FSCB: variants seen among roughly 807,000 people sequenced by gnomAD.
FSCB encodes fibrous sheath CABYR binding protein, also known as fibrous sheath CABYR-binding protein.
For synonymous variants in FSCB, 331 were observed against 336.6 expected (o/e 0.98, Z 0.18); for missense variants, 975 against 934.8 (o/e 1.04, Z -0.56).
Position 44,506,552 on chromosome 14 carries a change from G to T in FSCB, c.436C>A (p.Pro146Thr). The T allele has an allele frequency of 6.2e-7, 1 of 1,614,098 alleles. No individual in the cohort carries two copies. Residue 146 changes from proline (P) to threonine (T), a missense_variant, in exon 1 of 1, where the codon CCC (proline) becomes ACC (threonine). Transcript: ENST00000340446. ...TCCTTGTCCACTTTTTCTACAGGGG[G>T]GATGTTCATCATGGTCCAGTATCCT... is the stretch of plus-strand genomic sequence containing the variant. Reference protein sequence around the residue: ...RTGYWTMMNIPPVEKVDKEQQ... With the variant: ...RTGYWTMMNITPVEKVDKEQQ...
In FSCB at chr14:44,504,378, C is replaced by T. The variant is rs1881008457; in HGVS notation, c.*132G>A. ...ACAGTTTTTATTGTTCATTTTCCAACCTGTATTCCAAGTCTTGGGGTCCCC... is the reference window on the plus strand; with the variant it reads ...ACAGTTTTTATTGTTCATTTTCCAATCTGTATTCCAAGTCTTGGGGTCCCC... On this transcript the variant is annotated 3_prime_UTR_variant, in exon 1 of 1. Transcript: ENST00000340446. 5.3e-6 allele frequency: 3 copies of T among 562,014 alleles called. No individual in the cohort carries two copies. The allele number at this position is 562,014 out of a possible 1,614,324, so 34.8% of individuals were successfully genotyped here.
At chr14:44,506,525 G>A in the FSCB span, 2 of 1,614,082 alleles carry the variant, frequency 1.2e-6, no homozygotes, top group African/African-American at 2.7e-5. Context: ...TATGTCTGTT[G>A]TTCCTTGTCC....
Position 44,505,859 on chromosome 14 carries a change from AAGG to A in FSCB, c.1126_1128del (p.Pro376del). ...CGAATTTCACCAAGAAGCTCTACTGAAGGAGACTTTTCAGCTGGTGGAGGCAGA... is the reference window on the plus strand; with the variant it reads ...CGAATTTCACCAAGAAGCTCTACTGAAGACTTTTCAGCTGGTGGAGGCAGA... On this transcript the variant is annotated inframe_deletion, in exon 1 of 1. Transcript: ENST00000340446. 1 of 1,613,914 alleles carries A rather than the reference AAGG, an allele frequency of 6.2e-7. No homozygotes were observed. The highest frequency in any genetic ancestry group is 8.5e-7 in the Non-Finnish European group (1 of 1,179,950).
rs548710567 is a variant in FSCB, at chr14:44,506,796, A to G, written c.192T>C (p.His64=). The G allele has an allele frequency of 1.8e-5, 29 of 1,613,902 alleles. No individual in the cohort carries two copies. The South Asian group carries it at 2.6e-4, about 15-fold the overall frequency. The change falls in exon 1 of 1, where the codon CAT becomes CAC. Residue 64 remains histidine (H), a synonymous_variant. Coordinates refer to ENST00000340446, the MANE Select transcript of FSCB (RefSeq NM_032135.4). ...GAGACTTACTAGTCATTTCCTGTCC[A>G]TGCTTTCTCTTTGTCCAAGTTTGCT... ...ELQQTWTKRK[H]GQEMTSKSLQ...
At position 44,507,034 on chromosome 14, in the gene FSCB, G is replaced by A; in HGVS notation, c.-47C>T. On this transcript the variant is annotated 5_prime_UTR_variant, in exon 1 of 1. It introduces an in-frame stop codon into an upstream open reading frame of the 5' UTR. Transcript: ENST00000340446. ...CTTTCGAATTTCTTGCCTACACGCT[G>A]AGATAGGCTGATTAGAGTCATCACT... The A allele has an allele frequency of 7.5e-7, 1 of 1,339,542 alleles. No homozygotes were observed. Among genetic ancestry groups the A allele is most frequent in the Non-Finnish European group, 1.0e-6 (1 of 970,476 alleles). The allele number at this position is 1,339,542 out of a possible 1,614,324, so 83.0% of individuals were successfully genotyped here.
Position 44,506,599 on chromosome 14 carries a change from C to T in FSCB, c.389G>A (p.Arg130Lys). ...NIPSVQLKMD[R>K]SQQTSRTGYW... ...TCCTGTACGGCTGGTCTGCTGAGAT[C>T]TGTCCATTTTTAGTTGAACTGAAGG... Residue 130 changes from arginine to lysine, a missense_variant, in exon 1 of 1, where the codon AGA becomes AAA. Transcript: ENST00000340446. The T allele has an allele frequency of 6.2e-7, 1 of 1,614,174 alleles. No individual in the cohort carries two copies. The highest frequency in any genetic ancestry group is 8.5e-7 in the Non-Finnish European group (1 of 1,180,032).
At position 44,504,318 on chromosome 14, in the gene FSCB, T is replaced by G; in HGVS notation, c.*192A>C. 1 of 436,002 alleles carries G rather than the reference T, an allele frequency of 2.3e-6. No individual in the cohort carries two copies. Among genetic ancestry groups the G allele is most frequent in the Non-Finnish European group, 4.1e-6 (1 of 245,782 alleles). The allele number at this position is 436,002 out of a possible 1,614,324, so 27.0% of individuals were successfully genotyped here. A position where few individuals can be genotyped will look rare whatever the true frequency, so the allele number is the denominator to read the frequency against. On this transcript the variant is annotated 3_prime_UTR_variant, in exon 1 of 1. Coordinates refer to ENST00000340446, the MANE Select transcript of FSCB (RefSeq NM_032135.4). ...AATAGGTATTTTTCATGCCATAAAT[T>G]TGAATGAAATTAACACAAGTAATTT...
chr14:44,505,912 G>A lies in FSCB; in HGVS notation c.1076C>T (p.Pro359Leu), dbSNP rs17857204. ...EILPPSAEES[P>L]SEEPPAEILP... ...AATTTCAGCAGGAGGCTCTTCTGAA[G>A]GGGACTCTTCAGCTGATGGAGGCAG... Residue 359 changes from proline to leucine, a missense_variant, in exon 1 of 1, where the codon CCT becomes CTT. Coordinates refer to ENST00000340446, the MANE Select transcript of FSCB (RefSeq NM_032135.4). 1.9e-6 allele frequency: 3 copies of A among 1,613,800 alleles called. No homozygotes were observed. Among genetic ancestry groups the A allele is most frequent in the Non-Finnish European group, 2.5e-6 (3 of 1,179,716 alleles).
chr14:44,504,659 C>A lies in FSCB; in HGVS notation c.2329G>T (p.Val777Phe), dbSNP rs1881017867. Reference sequence around the variant, plus strand: ...TCAAATTTTGCTTCACCTTCCAAAACAACCGATCCTAATTTTACTGCTGGA... The same window carrying A: ...TCAAATTTTGCTTCACCTTCCAAAAAAACCGATCCTAATTTTACTGCTGGA... ...GIPAVKLGSV[V>F]LEGEAKFEEV... The change falls in exon 1 of 1, where the codon GTT becomes TTT. Residue 777 changes from valine (V) to phenylalanine (F), a missense_variant. Val to Phe is a conservative substitution (Grantham distance 50, BLOSUM62 -1). Transcript: ENST00000340446. 2.5e-6 allele frequency: 4 copies of A among 1,614,170 alleles called. No individual in the cohort carries two copies. The highest frequency in any genetic ancestry group is 1.1e-5 in the South Asian group (1 of 91,076).
chr14:44,505,266 A>C lies in FSCB; in HGVS notation c.1722T>G (p.Leu574=). Residue 574 remains leucine (L), a synonymous_variant, in exon 1 of 1, where the codon CTT becomes CTG. Coordinates refer to ENST00000340446, the MANE Select transcript of FSCB (RefSeq NM_032135.4). Reference sequence around the variant, plus strand: ...CTTCACCTGATGGAGGCTGAAGCTCAAGAGGGGCCTCTTCTATAGAAACTC... The same window carrying C: ...CTTCACCTGATGGAGGCTGAAGCTCCAGAGGGGCCTCTTCTATAGAAACTC... ...AKGVSIEEAP[L]ELQPPSGEET... The C allele has an allele frequency of 6.2e-7, 1 of 1,612,914 alleles. No homozygotes were observed. Among genetic ancestry groups the C allele is most frequent in the South Asian group, 1.1e-5 (1 of 91,014 alleles).
rs765495778 is a variant in FSCB, at chr14:44,505,364, C to T, written c.1624G>A (p.Ala542Thr). 6.2e-6 allele frequency: 10 copies of T among 1,612,682 alleles called. No individual in the cohort carries two copies. Among genetic ancestry groups the T allele is most frequent in the Non-Finnish European group, 8.5e-6 (10 of 1,179,972 alleles). ...EAPADETPAE[A>T]QSPLSEETSA... ...GTCTCCTCAGATAGTGGAGACTGAG[C>T]TTCAGCAGGAGTTTCATCTGCAGGA... The change falls in exon 1 of 1, where the codon GCT (alanine) becomes ACT (threonine). Residue 542 changes from alanine (A) to threonine (T), a missense_variant. Coordinates refer to ENST00000340446, the MANE Select transcript of FSCB (RefSeq NM_032135.4).
At position 44,504,711 on chromosome 14, in the gene FSCB, T is replaced by G; in HGVS notation, c.2277A>C (p.Glu759Asp). 6.2e-7 allele frequency: 1 copy of G among 1,614,174 alleles called. No individual in the cohort carries two copies. The highest frequency in any genetic ancestry group is 2.2e-5 in the East Asian group (1 of 44,888). Reference sequence around the variant, plus strand: ...TTCCTGCCACCTGCGGTGACTGAAATTCTGTAGACACATTCTCTACCAGAG... The same window carrying G: ...TTCCTGCCACCTGCGGTGACTGAAAGTCTGTAGACACATTCTCTACCAGAG... ...DEALVENVST[E>D]FQSPQVAGIP... The change falls in exon 1 of 1, where the codon GAA (glutamate) becomes GAC (aspartate). Residue 759 changes from glutamate (E) to aspartate (D), a missense_variant. Physicochemically the swap from Glu to Asp is conservative, Grantham distance 45. Transcript: ENST00000340446.
In FSCB at chr14:44,506,390, G is replaced by T. The variant is rs778382650; in HGVS notation, c.598C>A (p.Pro200Thr). ...IFASEHPEFQ[P>T]ATNSNEEIGQ... ...ATTTCTTCATTGCTGTTTGTTGCTG[G>T]TTGAAATTCAGGGTGTTCACTAGCA... is the stretch of plus-strand genomic sequence containing the variant. The change falls in exon 1 of 1, where the codon CCA becomes ACA. Residue 200 changes from proline to threonine, a missense_variant. Coordinates refer to ENST00000340446, the MANE Select transcript of FSCB (RefSeq NM_032135.4). 3 of 1,614,012 alleles carry T rather than the reference G, an allele frequency of 1.9e-6. No homozygotes were observed. The highest frequency in any genetic ancestry group is 1.3e-5 in the African/African-American group (1 of 74,920).
rs28454870 is a variant in FSCB, at chr14:44,504,950, C to T, written c.2038G>A (p.Ala680Thr). 3 of 1,608,426 alleles carry T rather than the reference C, an allele frequency of 1.9e-6. No individual in the cohort carries two copies. In the African/African-American group the frequency reaches 4.2e-5, roughly 23 times the overall value. Residue 680 changes from alanine to threonine, a missense_variant, in exon 1 of 1, where the codon GCT becomes ACT. By Grantham distance (58) the Ala-to-Thr change is moderately conservative. Transcript: ENST00000340446. Reference sequence around the variant, plus strand: ...TCAGCTGGTAGAGACTGAACTTCAGCAGGGGCCTCCTCAGCTGGTGGAGGC... The same window carrying T: ...TCAGCTGGTAGAGACTGAACTTCAGTAGGGGCCTCCTCAGCTGGTGGAGGC... Reference protein sequence around the residue: ...VQPPPAEEAPAEVQSLPAEET... With the variant: ...VQPPPAEEAPTEVQSLPAEET...
rs1454814038 is a variant in FSCB at position 44,507,022 on chromosome 14, T to G, written c.-35A>C. On this transcript the variant is annotated 5_prime_UTR_variant, in exon 1 of 1. Coordinates refer to ENST00000340446, the MANE Select transcript of FSCB (RefSeq NM_032135.4). ...GGGTCATCTTCTCTTTCGAATTTCT[T>G]GCCTACACGCTGAGATAGGCTGATT... 4.7e-6 allele frequency: 7 copies of G among 1,494,622 alleles called. No homozygotes were observed. The highest frequency in any genetic ancestry group is 2.3e-5 in the East Asian group (1 of 43,746). The allele number at this position is 1,494,622 out of a possible 1,614,324, so 92.6% of individuals were successfully genotyped here. A position where few individuals can be genotyped will look rare whatever the true frequency, so the allele number is the denominator to read the frequency against.
In FSCB at chr14:44,506,782, G is replaced by A. The variant is rs1881102838; in HGVS notation, c.206C>T (p.Thr69Ile). The change falls in exon 1 of 1, where the codon ACT (threonine) becomes ATT (isoleucine). Residue 69 changes from threonine (T) to isoleucine (I), a missense_variant. Thr to Ile is a moderately conservative substitution (Grantham distance 89). Coordinates refer to ENST00000340446, the MANE Select transcript of FSCB (RefSeq NM_032135.4). ...WTKRKHGQEM[T>I]SKSLQTDTIV... Reference sequence around the variant, plus strand: ...GGTGTCTGTCTGGAGAGACTTACTAGTCATTTCCTGTCCATGCTTTCTCTT... The same window carrying A: ...GGTGTCTGTCTGGAGAGACTTACTAATCATTTCCTGTCCATGCTTTCTCTT... The A allele has an allele frequency of 6.2e-7, 1 of 1,614,018 alleles. No homozygotes were observed. Among genetic ancestry groups the A allele is most frequent in the African/African-American group, 1.3e-5 (1 of 75,016 alleles).
Position 44,505,040 on chromosome 14 carries a change from G to C in FSCB, c.1948C>G (p.Pro650Ala), listed in dbSNP as rs1392033118. 1 of 552,274 alleles carries C rather than the reference G, an allele frequency of 1.8e-6. No individual in the cohort carries two copies. Among genetic ancestry groups the C allele is most frequent in the East Asian group, 3.0e-5 (1 of 32,800 alleles). The allele number at this position is 552,274 out of a possible 1,614,324, so 34.2% of individuals were successfully genotyped here. Residue 650 changes from proline (P) to alanine (A), a missense_variant, in exon 1 of 1, where the codon CCA becomes GCA. Pro to Ala is a conservative substitution (Grantham distance 27). Coordinates refer to ENST00000340446, the MANE Select transcript of FSCB (RefSeq NM_032135.4). ...EEAPAEVQPP[P>A]AEEAPAEVQP... ...ACTTCAGCGGGGGCCTCCTCAGCTG[G>C]TGGAGGCTGAACTTCAGCGGGGGCC...
At position 44,506,872 on chromosome 14, in the gene FSCB, C is replaced by T. The variant is rs1881105777; in HGVS notation, c.116G>A (p.Gly39Asp). The part of the protein sequence containing the change: ...HRIGNTSGSK[G>D]SYSAKAYESI... ...CTCATAGGCTTTGGCAGAGTAGCTG[C>T]CTTTGCTTCCAGAAGTATTACCAAT... Residue 39 changes from glycine (G) to aspartate (D), a missense_variant, in exon 1 of 1, where the codon GGC becomes GAC. By Grantham distance (94) the Gly-to-Asp change is moderately conservative. Transcript: ENST00000340446. The T allele has an allele frequency of 2.5e-6, 4 of 1,613,492 alleles. No individual in the cohort carries two copies. The highest frequency in any genetic ancestry group is 1.7e-5 in the Admixed American group (1 of 59,994).
the FSCB span, chr14:44,506,974 G>GATTT: frequency 6.3e-7 from 1 of 1,580,592 alleles, no homozygotes; most frequent in Non-Finnish European, 8.6e-7. Flanking sequence ...AGTTTGCTGG[G>GATTT]ATTTGCCTAC....
Sources: gnomAD v4.1 joint callset for allele counts on GRCh38, gnomAD v4.1.1 for gene constraint, MANE v1.5 for transcripts, NCBI Gene and HGNC (gene_info 2026-07-23, HGNC 2026-07-21) for gene names.